Variants in RANBP2 observed in about 807,000 individuals in gnomAD.
RANBP2 encodes RAN binding protein 2, also known as E3 SUMO-protein ligase RanBP2.
A neutral mutation model predicts 303.6 loss-of-function variants in RANBP2; 57 were observed. That is an observed-to-expected ratio of 0.19 (90% CI 0.15 to 0.23). The LOEUF (loss-of-function observed/expected upper bound fraction) is 0.23, where lower values mean the gene tolerates loss of function less well. Ranked by LOEUF, RANBP2 falls within the 10% of genes least tolerant of loss-of-function variation. The probability of loss-of-function intolerance (pLI) is 1.00; values close to 1 mark genes in which losing one functional copy is unlikely to be tolerated. For synonymous variants in RANBP2, 1,167 were observed against 1,301.5 expected, an observed-to-expected ratio of 0.90 and a Z score of 2.23; for missense variants, 3,138 against 3,780.8, an observed-to-expected ratio of 0.83 and a Z score of 4.46.
the RANBP2 span, among the ~76,000 whole-genome samples, chr2:109,039,711 C>T: frequency 2.6e-5 from 4 of 151,962 alleles, no homozygotes; most frequent in Non-Finnish European, 5.9e-5. Flanking sequence ...ATTATTCTCC[C>T]TTTTTTCTTT....
the RANBP2 span, among the ~76,000 whole-genome samples, chr2:109,630,601 C>T: frequency 1.3e-5 from 2 of 152,200 alleles, no homozygotes; most frequent in Non-Finnish European, 2.9e-5. Context: ...CGCGGCATGC[C>T]TCCTTTCTCT....
chr2:109,120,221 G>C, the RANBP2 span, among the ~76,000 whole-genome samples: 26 of 152,338 alleles, frequency 1.7e-4, no homozygotes, highest in African/African-American at 2.6e-4. Flanking sequence ...TGTAAGAGGA[G>C]GGGGAGGGCC....
chr2:109,109,661 C>T, the RANBP2 span, among the ~76,000 whole-genome samples: 2 of 152,152 alleles, frequency 1.3e-5, no homozygotes, highest in Non-Finnish European at 2.9e-5. Context: ...ATTATCCCAT[C>T]ATACTTTACA....
the RANBP2 span, among the ~76,000 whole-genome samples, chr2:109,409,135 GT>G: frequency 6.6e-6 from 1 of 152,308 alleles, no homozygotes; most frequent in East Asian, 1.9e-4. Context: ...ATATTCCACT[GT>G]TTTGATCCAT....
the RANBP2 span, among the ~76,000 whole-genome samples, chr2:109,492,210 T>TA: frequency 6.6e-6 from 1 of 152,174 alleles, no homozygotes; most frequent in Admixed American, 6.5e-5. Context: ...GGTCATGAAA[T>TA]AGTCTTCTGA....
At chr2:109,330,386 A>G in the RANBP2 span, among the ~76,000 whole-genome samples, 2 of 152,206 alleles carry the variant, frequency 1.3e-5, no homozygotes, top group East Asian at 3.9e-4. Context: ...GGCATATCTC[A>G]GAATTATCCA....
the RANBP2 span, among the ~76,000 whole-genome samples, chr2:109,112,810 A>G: frequency 2.6e-5 from 4 of 152,284 alleles, no homozygotes; most frequent in Admixed American, 1.3e-4. Context: ...TAATTTTTGT[A>G]AAAGGTGTAA....
chr2:109,369,396 C>T, the RANBP2 span, among the ~76,000 whole-genome samples: 2 of 152,188 alleles, frequency 1.3e-5, no homozygotes, highest in African/African-American at 2.4e-5. Context: ...CAACGCTGAG[C>T]GTTGCTGGAG....
the RANBP2 span, among the ~76,000 whole-genome samples, chr2:109,643,211 A>G: frequency 8.6e-5 from 13 of 152,040 alleles, no homozygotes; most frequent in African/African-American, 3.1e-4. Flanking sequence ...AAAAAAGATC[A>G]TCTCCCAACT....
the RANBP2 span, among the ~76,000 whole-genome samples, chr2:109,599,519 C>A: frequency 6.6e-6 from 1 of 151,500 alleles, no homozygotes; most frequent in Non-Finnish European, 1.5e-5. Flanking sequence ...GATAAGGCAG[C>A]AGCAAGTTGG....
chr2:109,161,087 CTG>C, the RANBP2 span, among the ~76,000 whole-genome samples: 1 of 152,174 alleles, frequency 6.6e-6, no homozygotes, highest in African/African-American at 2.4e-5. Context: ...AGGCAATCGA[CTG>C]TTCATTTAGA....
At chr2:109,264,991 A>G in the RANBP2 span, among the ~76,000 whole-genome samples, 6 of 152,198 alleles carry the variant, frequency 3.9e-5, no homozygotes, top group African/African-American at 9.6e-5. Context: ...AGATAGCCGC[A>G]TGCTCTGTCT....
At chr2:108,740,233 T>C (rs547610948) in intron 6 of RANBP2, among the ~76,000 whole-genome samples, 96 of 152,340 alleles carry the variant, frequency 6.3e-4, no homozygotes, top group African/African-American at 2.2e-3. Flanking sequence ...ACTGATCTTA[T>C]ATTTATCCTG....
At chr2:108,959,014 C>G in the RANBP2 span, among the ~76,000 whole-genome samples, 2 of 152,200 alleles carry the variant, frequency 1.3e-5, no homozygotes, top group Non-Finnish European at 2.9e-5. Flanking sequence ...AATTGGCACC[C>G]ATGAAGAACG....
At chr2:109,142,003 G>GC in the RANBP2 span, among the ~76,000 whole-genome samples, 32 of 151,512 alleles carry the variant, frequency 2.1e-4, no homozygotes, top group African/African-American at 7.5e-4. Context: ...ATCATTTCCA[G>GC]CCCCCTGCCC....
the RANBP2 span, among the ~76,000 whole-genome samples, chr2:109,061,081 G>A: frequency 6.6e-6 from 1 of 151,874 alleles, no homozygotes; most frequent in Non-Finnish European, 1.5e-5. Context: ...AATAATAGTG[G>A]TTTCATAGTG....
chr2:109,470,186 C>T, the RANBP2 span, among the ~76,000 whole-genome samples: 2 of 152,130 alleles, frequency 1.3e-5, no homozygotes, highest in Admixed American at 6.6e-5. Flanking sequence ...ACCAAAGGCT[C>T]CTGGGACCTC....
chr2:109,186,793 C>G, the RANBP2 span, among the ~76,000 whole-genome samples: 3 of 152,324 alleles, frequency 2.0e-5, no homozygotes, highest in Admixed American at 1.3e-4. Context: ...AATATCACTG[C>G]CTTAGGTTCC....
At chr2:109,535,468 T>C in the RANBP2 span, among the ~76,000 whole-genome samples, 1 of 152,182 alleles carries the variant, frequency 6.6e-6, no homozygotes, top group Non-Finnish European at 1.5e-5. Flanking sequence ...CTTGGTGTCC[T>C]GTGACTGTAC....
Sources: allele counts gnomAD v4.1 joint callset (sites outside exome capture counted in the v4.1 genomes callset), GRCh38; gene constraint gnomAD v4.1.1; transcripts MANE v1.5; gene names NCBI Gene and HGNC (gene_info 2026-07-23, HGNC 2026-07-21).